The following CDC42SE2 variants were observed in gnomAD, a reference collection of about 807,000 sequenced individuals.
The protein encoded by CDC42SE2 is CDC42 small effector 2.
In CDC42SE2, 3 loss-of-function variants were observed where a neutral mutation model predicts 11.5. The ratio of observed to expected loss-of-function variants is 0.26; its 90% CI spans 0.12 to 0.67. CDC42SE2 has a LOEUF of 0.67. Ranked by LOEUF, CDC42SE2 falls within the 30% of genes least tolerant of loss-of-function variation. CDC42SE2 has a pLI of 0.80. For synonymous variants in CDC42SE2, 33 were observed against 34.8 expected (o/e 0.95, Z 0.18); for missense variants, 82 against 106.8 (o/e 0.77, Z 1.02).
upstream of CDC42SE2, among the ~76,000 whole-genome samples, chr5:131,241,998 A>G (rs934230432): frequency 1.3e-5 from 2 of 152,332 alleles, no homozygotes; most frequent in Admixed American, 6.5e-5. Context: ...GTAAAAATTC[A>G]ATAAGCATTT....
At chr5:131,383,354 A>C (rs1291229310) in intron 3 of CDC42SE2, among the ~76,000 whole-genome samples, 1 of 152,208 alleles carries the variant, frequency 6.6e-6, no homozygotes, top group African/African-American at 2.4e-5. Context: ...TTAACCTGCA[A>C]GTTTTATGAT....
At chr5:131,377,138 G>A (rs562106550) in intron 3 of CDC42SE2, among the ~76,000 whole-genome samples, 30 of 151,268 alleles carry the variant, frequency 2.0e-4, no homozygotes, top group Non-Finnish European at 3.5e-4. Flanking sequence ...TTTCTCTGCA[G>A]CCTCACCAGC....
At position 131,392,992 on chromosome 5, in the gene CDC42SE2, C is replaced by CT. The variant is rs1158164635; in HGVS notation, c.*1903dup. The CT allele has an allele frequency of 1.3e-5, 2 of 152,360 alleles. No individual in the cohort carries two copies. The highest frequency in any genetic ancestry group is 3.7e-4 in the East Asian group (2 of 5,344). The allele number at this position is 152,360 out of a possible 1,614,324, so 9.4% of individuals were successfully genotyped here. A position where few individuals can be genotyped will look rare whatever the true frequency, so the allele number is the denominator to read the frequency against. On this transcript the variant is annotated 3_prime_UTR_variant, in exon 5 of 5. Transcript: ENST00000505065. ...GCTCAGGTTCTAAAATATGTTTGTC[C>CT]TTGCACGAATTTTGTATATTTCAAA...
intron 1 of CDC42SE2, among the ~76,000 whole-genome samples, chr5:131,254,220 C>T (rs115360191): frequency 0.013 from 1,997 of 152,208 alleles, 44 homozygotes; most frequent in African/African-American, 0.044. Flanking sequence ...CTGGGGCACA[C>T]CACAGATTTT....
the CDC42SE2 span, among the ~76,000 whole-genome samples, chr5:131,239,784 T>C: frequency 6.6e-5 from 10 of 152,306 alleles, no homozygotes; most frequent in African/African-American, 2.4e-4. Context: ...TGGAAGAAGC[T>C]TAACTTTAAG....
chr5:131,373,303 T>G (rs1214990594), intron 3 of CDC42SE2, among the ~76,000 whole-genome samples: 1 of 151,910 alleles, frequency 6.6e-6, no homozygotes, highest in African/African-American at 2.4e-5. Flanking sequence ...AATAAAAAAA[T>G]AGATGGGATG....
chr5:131,359,453 T>A lies in CDC42SE2; in HGVS notation c.-41T>A, dbSNP rs1485293143. On this transcript the variant is annotated 5_prime_UTR_variant, in exon 3 of 5. In the 5' UTR this introduces an upstream ATG that the reference lacks. Transcript: ENST00000505065. ...TTTTTGGAACTTCCCGAGTTGAGAT[T>A]TGGAACCTTCATTGGTGCTCATTTA... 1 of 1,539,700 alleles carries A rather than the reference T, an allele frequency of 6.5e-7. No individual in the cohort carries two copies. The highest frequency in any genetic ancestry group is 1.7e-5 in the Admixed American group (1 of 59,924).
chr5:131,253,042 T>C (rs1756653883), intron 1 of CDC42SE2: 1 of 152,210 alleles, frequency 6.6e-6, no homozygotes, highest in Non-Finnish European at 1.5e-5. Flanking sequence ...AGCAGCTTCC[T>C]GACTAGAGAT....
chr5:131,215,519 A>C, the CDC42SE2 span, among the ~76,000 whole-genome samples: 39 of 152,306 alleles, frequency 2.6e-4, no homozygotes, highest in African/African-American at 9.1e-4. Context: ...CTATTGCTGC[A>C]GTCCACCTTA....
Position 131,253,535 on chromosome 5 carries a change from C to T in CDC42SE2, n.108-1560C>T, listed in dbSNP as rs1230489448. Among the ~76,000 whole-genome samples the T allele has an allele frequency of 2.6e-5, 4 of 152,140 alleles. No individual in the cohort carries two copies. In the East Asian group the frequency reaches 7.7e-4, roughly 29 times the overall value. Reference sequence around the variant, plus strand: ...ATCCCAGCACTTTGGGAGGCCGAGGCGGGTTGATCACCTGAGGTCAGGAGT... The same window carrying T: ...ATCCCAGCACTTTGGGAGGCCGAGGTGGGTTGATCACCTGAGGTCAGGAGT... On this transcript the variant is annotated intron_variant and non_coding_transcript_variant, in intron 1 of 3. Transcript: ENST00000502840.
At chr5:131,352,349 T>A (rs185269549) in intron 2 of CDC42SE2, among the ~76,000 whole-genome samples, 185 of 152,284 alleles carry the variant, frequency 1.2e-3, no homozygotes, top group African/African-American at 4.3e-3. Context: ...ATAATGGAAA[T>A]CTACTTAGCA....
rs1298993722 is a variant in CDC42SE2, at chr5:131,359,030, C to T, written c.-285-179C>T. Among the ~76,000 whole-genome samples the T allele has an allele frequency of 5.9e-5, 9 of 152,098 alleles. No homozygotes were observed. The East Asian group carries it at 1.7e-3, about 29-fold the overall frequency. On this transcript the variant is annotated intron_variant, in intron 2 of 4. Coordinates refer to ENST00000505065, the MANE Select transcript of CDC42SE2 (RefSeq NM_001375635.1). The stretch of plus-strand genomic sequence containing the variant: ...TTTCTGTCTGCTTTTACTACTACAC[C>T]TAGAACTTGACACTTAAAAAGTTGC...
intron 1 of CDC42SE2, among the ~76,000 whole-genome samples, chr5:131,265,964 A>G (rs1309913342): frequency 2.6e-5 from 4 of 152,302 alleles, no homozygotes; most frequent in South Asian, 4.1e-4. Context: ...TTCCTTTTCT[A>G]TAAGAAATGT....
intron 3 of CDC42SE2, among the ~76,000 whole-genome samples, chr5:131,381,144 C>T (rs1385759646): frequency 6.6e-6 from 1 of 152,086 alleles, no homozygotes; most frequent in East Asian, 1.9e-4. Flanking sequence ...TCTAGGAAAT[C>T]TCATTAACTT....
At chr5:131,386,187 C>T (rs1269831435) in intron 4 of CDC42SE2, among the ~76,000 whole-genome samples, 1 of 152,212 alleles carries the variant, frequency 6.6e-6, no homozygotes, top group African/African-American at 2.4e-5. Flanking sequence ...ATTAGATTCT[C>T]ATAAGGAGTC....
chr5:131,304,073 C>T (rs1244597017), intron 1 of CDC42SE2, among the ~76,000 whole-genome samples: 1 of 151,998 alleles, frequency 6.6e-6, no homozygotes, highest in Non-Finnish European at 1.5e-5. Context: ...AATCCTTGCA[C>T]CTCAGCCTTC....
the CDC42SE2 span, among the ~76,000 whole-genome samples, chr5:131,229,035 A>G: frequency 6.6e-6 from 1 of 152,210 alleles, no homozygotes; most frequent in Non-Finnish European, 1.5e-5. Context: ...TTCTTTCAGA[A>G]GTATATCCTG....
intron 2 of CDC42SE2, among the ~76,000 whole-genome samples, chr5:131,332,788 A>G (rs1288111409): frequency 6.6e-6 from 1 of 152,038 alleles, no homozygotes; most frequent in African/African-American, 2.4e-5. Flanking sequence ...GTCTGTTCAT[A>G]TCCTTTGCCC....
At chr5:131,336,934 A>G (rs1308742403) in intron 2 of CDC42SE2, among the ~76,000 whole-genome samples, 1 of 151,452 alleles carries the variant, frequency 6.6e-6, no homozygotes, top group Non-Finnish European at 1.5e-5. Context: ...GTTAGCACAG[A>G]GTAGTTTGAT....
Sources: gnomAD v4.1 joint callset for allele counts (sites outside exome capture counted in the v4.1 genomes callset) on GRCh38, gnomAD v4.1.1 for gene constraint, MANE v1.5 for transcripts, NCBI Gene and HGNC (gene_info 2026-07-23, HGNC 2026-07-21) for gene names.